Variants in TEAD1 observed in about 807,000 individuals in gnomAD.
TEAD1 encodes the protein transcriptional enhancer factor TEF-1.
In TEAD1, 9 loss-of-function variants were observed where a neutral mutation model predicts 54.9. That is an observed-to-expected ratio of 0.16 (90% CI 0.10 to 0.29). The LOEUF is 0.29. TEAD1 is among the 10% of genes least tolerant of loss of function. The pLI is 1.00. For missense variants in TEAD1, 387 were observed against 535.9 expected, an observed-to-expected ratio of 0.72 and a Z score of 2.74; for synonymous variants, 200 against 187.8, an observed-to-expected ratio of 1.07 and a Z score of -0.53.
intron 10 of TEAD1, among the ~76,000 whole-genome samples, chr11:12,920,404 ATC>A (rs1445334853): frequency 6.6e-6 from 1 of 152,216 alleles, no homozygotes; most frequent in African/African-American, 2.4e-5. Context: ...TTTAAAAACA[ATC>A]TATTTACTCT....
intron 3 of TEAD1, among the ~76,000 whole-genome samples, chr11:12,793,558 A>G (rs911957492): frequency 6.6e-6 from 1 of 152,040 alleles, no homozygotes; most frequent in Non-Finnish European, 1.5e-5. Flanking sequence ...TTTTTCCTTT[A>G]GAGTATTGTC....
chr11:12,817,179 C>A (rs989527271), intron 3 of TEAD1, among the ~76,000 whole-genome samples: 8 of 152,100 alleles, frequency 5.3e-5, no homozygotes, highest in African/African-American at 1.9e-4. Flanking sequence ...TTATCTCACG[C>A]CTTTAAAGCC....
chr11:12,790,447 T>A (rs1017059393), intron 3 of TEAD1, among the ~76,000 whole-genome samples: 2 of 152,204 alleles, frequency 1.3e-5, no homozygotes, highest in African/African-American at 4.8e-5. Flanking sequence ...ACTCAGTAAA[T>A]GATAGCTTAA....
chr11:12,929,163 C>CGTGTGTATGTGTGT (rs1948962701), intron 11 of TEAD1, among the ~76,000 whole-genome samples: 1 of 106,726 alleles, frequency 9.4e-6, no homozygotes, highest in Non-Finnish European at 2.0e-5. Context: ...TTTGCTTTGC[C>CGTGTGTATGTGTGT]GTGTGTGTGT....
intron 3 of TEAD1, among the ~76,000 whole-genome samples, chr11:12,815,642 A>T (rs987080170): frequency 6.6e-6 from 1 of 152,214 alleles, no homozygotes; most frequent in African/African-American, 2.4e-5. Flanking sequence ...TGATTGGGTG[A>T]TGACGATTGG....
intron 2 of TEAD1, among the ~76,000 whole-genome samples, chr11:12,718,464 T>C (rs1283907276): frequency 6.6e-6 from 1 of 152,250 alleles, no homozygotes; most frequent in Non-Finnish European, 1.5e-5. Flanking sequence ...TTCCTCATTA[T>C]GTTCTTGCAT....
chr11:12,821,961 C>CTTTT (rs10700151), intron 3 of TEAD1, among the ~76,000 whole-genome samples: 2,481 of 67,950 alleles, frequency 0.037, 529 homozygotes, highest in African/African-American at 0.089. Flanking sequence ...TTCTCTTTTC[C>CTTTT]TTTTTTTTTT....
intron 3 of TEAD1, among the ~76,000 whole-genome samples, chr11:12,792,553 C>A (rs771490803): frequency 6.6e-6 from 1 of 152,116 alleles, no homozygotes; most frequent in Non-Finnish European, 1.5e-5. Context: ...CTGCATTGTC[C>A]TACTAGTAGA....
intron 8 of TEAD1, among the ~76,000 whole-genome samples, chr11:12,882,715 C>A (rs114968659): frequency 6.6e-6 from 1 of 152,200 alleles, no homozygotes; most frequent in Non-Finnish European, 1.5e-5. Context: ...TTGGCTTGGT[C>A]CCCAAGTAGA....
intron 2 of TEAD1, among the ~76,000 whole-genome samples, chr11:12,696,181 T>C (rs1488557618): frequency 6.6e-6 from 1 of 152,228 alleles, no homozygotes; most frequent in Non-Finnish European, 1.5e-5. Flanking sequence ...ATTCAGTGGC[T>C]GTCATGTACA....
rs149916384 is a variant in TEAD1, at chr11:12,898,846, A to G, written c.700-3094A>G. Among the ~76,000 whole-genome samples, 402 of 152,316 alleles carry G rather than the reference A, an allele frequency of 2.6e-3. 1 individual carries two copies. The highest frequency in any genetic ancestry group is 9.0e-3 in the African/African-American group (374 of 41,580). On this transcript the variant is annotated intron_variant, in intron 9 of 12. Coordinates refer to ENST00000527636, the MANE Select transcript of TEAD1 (RefSeq NM_021961.6). ...AGGTTTCAGGTTTGTGTCTGGCTCC[A>G]AGGCTTTCGTGCTTTACACTCAGCA...
At chr11:12,790,055 C>T (rs1590154066) in intron 3 of TEAD1, among the ~76,000 whole-genome samples, 1 of 152,244 alleles carries the variant, frequency 6.6e-6, no homozygotes, top group Non-Finnish European at 1.5e-5. Context: ...CAGCTCATTA[C>T]CTCTGTAGGG....
At chr11:12,917,593 A>G (rs1948738588) in intron 10 of TEAD1, among the ~76,000 whole-genome samples, 1 of 152,200 alleles carries the variant, frequency 6.6e-6, no homozygotes, top group South Asian at 2.1e-4. Flanking sequence ...CCTGGGCGTA[A>G]GTGGCCAGCG....
At chr11:12,695,511 T>C (rs184088114) in intron 2 of TEAD1, among the ~76,000 whole-genome samples, 2 of 152,334 alleles carry the variant, frequency 1.3e-5, no homozygotes, top group East Asian at 3.9e-4. Context: ...GAATTGCTTA[T>C]CGTCTCTAGA....
At chr11:12,693,888 A>G (rs1421096267) in intron 2 of TEAD1, among the ~76,000 whole-genome samples, 2 of 152,270 alleles carry the variant, frequency 1.3e-5, no homozygotes, top group Admixed American at 6.5e-5. Flanking sequence ...CCAGGCTTCA[A>G]TAACTTCCTT....
At chr11:12,843,916 A>C (rs919527354) in intron 3 of TEAD1, among the ~76,000 whole-genome samples, 1 of 152,224 alleles carries the variant, frequency 6.6e-6, no homozygotes, top group Non-Finnish European at 1.5e-5. Context: ...TTAAAGGAAT[A>C]ATCAGCCCAT....
intron 2 of TEAD1, among the ~76,000 whole-genome samples, chr11:12,720,836 C>G (rs58615817): frequency 0.086 from 13,017 of 152,132 alleles, 1,841 homozygotes; most frequent in African/African-American, 0.3. Context: ...CAAGCCAAGA[C>G]CCTCTCCCAG....
In TEAD1 at chr11:12,846,564, G is replaced by C. The variant is rs552295741; in HGVS notation, c.203-15686G>C. 4.6e-5 allele frequency among the ~76,000 whole-genome samples: 7 copies of C among 152,062 alleles called. No individual in the cohort carries two copies. In the South Asian group the frequency reaches 1.5e-3, roughly 32 times the overall value. On this transcript the variant is annotated intron_variant, in intron 3 of 12. Transcript: ENST00000527636. The stretch of plus-strand genomic sequence containing the variant: ...ATGAGCTTGCAGATAAAGCTGTGTT[G>C]ACTGTATATATTCCTTCTGTCTGTA...
chr11:12,883,236 A>G lies in TEAD1; in HGVS notation c.699+111A>G, dbSNP rs1241262205. 5 of 1,537,754 alleles carry G rather than the reference A, an allele frequency of 3.3e-6. No homozygotes were observed. In the South Asian group the frequency reaches 3.4e-5, roughly 10 times the overall value. ...TTACCCCGCCCCATGCCTGACAAAT[A>G]TCCTGTGTGAAAACGGGCCTAGGAA... On this transcript the variant is annotated intron_variant, in intron 9 of 12. Transcript: ENST00000527636.
Sources: allele counts gnomAD v4.1 joint callset (sites outside exome capture counted in the v4.1 genomes callset), GRCh38; gene constraint gnomAD v4.1.1; transcripts MANE v1.5; gene names NCBI Gene and HGNC (gene_info 2026-07-23, HGNC 2026-07-21).